Variants in CCDC66 observed in about 807,000 individuals in gnomAD.
CCDC66 encodes coiled-coil domain-containing protein 66.
A neutral mutation model predicts 128.3 loss-of-function variants in CCDC66; 133 were observed. The observed-to-expected ratio is 1.04, with a 90% CI of 0.90 to 1.20. CCDC66 has a LOEUF of 1.20. Among genes scored for constraint, CCDC66 ranks in the 50% most tolerant of loss-of-function variants. CCDC66 has a pLI of 0.00. For synonymous variants in CCDC66, 387 were observed against 357.0 expected (o/e 1.08, Z -0.95); for missense variants, 1,126 against 1,075.5 (o/e 1.05, Z -0.66).
At chr3:56,565,441 C>CTTTTTT (rs71621823) in intron 4 of CCDC66, among the ~76,000 whole-genome samples, 1 of 136,690 alleles carries the variant, frequency 7.3e-6, no homozygotes, top group Non-Finnish European at 1.6e-5. Context: ...ACCCGGCTAA[C>CTTTTTT]TTTTTTTTTT....
At chr3:56,602,229 T>C (rs1303676365) in intron 10 of CCDC66, among the ~76,000 whole-genome samples, 1 of 152,088 alleles carries the variant, frequency 6.6e-6, no homozygotes, top group Non-Finnish European at 1.5e-5. Flanking sequence ...GAGATAATCA[T>C]GTGGTTTTTG....
intron 8 of CCDC66, 49 bp from the exon 9 acceptor site, chr3:56,593,442 A>G (rs931640600): frequency 8.8e-6 from 14 of 1,585,386 alleles, no homozygotes; most frequent in South Asian, 1.1e-5. Context: ...AGAATTATAT[A>G]TGAGAATAAT....
intron 11 of CCDC66, among the ~76,000 whole-genome samples, chr3:56,614,139 G>A (rs2075205019): frequency 1.3e-5 from 2 of 152,192 alleles, no homozygotes; most frequent in Admixed American, 6.5e-5. Flanking sequence ...ATTTTGAATT[G>A]TGAAGCTATG....
chr3:56,570,474 A>G (rs9881152), intron 6 of CCDC66: 126,218 of 152,336 alleles, frequency 0.83, 52,866 homozygotes, highest in Non-Finnish European at 0.91. Flanking sequence ...CAGTTGGCCA[A>G]CTGCGGTGGG....
chr3:56,569,785 T>C (rs2066384391), intron 6 of CCDC66: 1 of 152,240 alleles, frequency 6.6e-6, no homozygotes, highest in Admixed American at 6.5e-5. Context: ...TCTGAAATAA[T>C]ATGGAACTAC....
rs768450205 is a variant in CCDC66, at chr3:56,593,562, G to A, written c.1140G>A (p.Leu380=). The change falls in exon 9 of 18, where the codon CTG becomes CTA. Residue 380 remains leucine, a synonymous_variant. Coordinates refer to ENST00000394672, the MANE Select transcript of CCDC66 (RefSeq NM_001141947.3). ...GTTATCCTGGTTCTCAATCTCAGCT[G>A]TTCTCTCAGTCAACACACAAACAAC... ...LKSYPGSQSQ[L]FSQSTHKQPE... is the part of the protein sequence containing the mutation. 6.8e-6 allele frequency: 11 copies of A among 1,613,974 alleles called. 1 individual carries two copies. The South Asian group carries it at 1.2e-4, about 18-fold the overall frequency.
At chr3:56,566,791 G>T in intron 5 of CCDC66, 32 bp downstream of exon 5, 5 of 1,586,434 alleles carry the variant, frequency 3.2e-6, no homozygotes, top group Non-Finnish European at 4.3e-6. Flanking sequence ...TTATTGTGTG[G>T]TCATCTTCAG....
intron 7 of CCDC66, among the ~76,000 whole-genome samples, chr3:56,592,228 C>T (rs2071035564): frequency 5.9e-5 from 9 of 152,218 alleles, no homozygotes; most frequent in Admixed American, 5.9e-4. Flanking sequence ...TGCTCTCACA[C>T]ATCTTTCTAT....
At chr3:56,589,246 A>G (rs1032024403) in intron 7 of CCDC66, among the ~76,000 whole-genome samples, 21 of 152,112 alleles carry the variant, frequency 1.4e-4, no homozygotes, top group Non-Finnish European at 2.6e-4. Flanking sequence ...AAATTGACAC[A>G]AGAAGCAGTA....
chr3:56,621,447 C>A, intron 17 of CCDC66, 85 bp from the exon 18 acceptor site: 1 of 933,718 alleles, frequency 1.1e-6, no homozygotes, highest in Non-Finnish European at 1.6e-6. Context: ...ATATGTTTTC[C>A]AAGTGAATAT....
intron 8 of CCDC66, 86 bp from the exon 9 acceptor site, chr3:56,593,405 T>G: frequency 6.8e-7 from 1 of 1,476,744 alleles, no homozygotes; most frequent in Non-Finnish European, 9.2e-7. Flanking sequence ...TAAGGTGACT[T>G]TTAGAAATCA....
chr3:56,594,694 A>AC (rs2071560184), intron 10 of CCDC66, among the ~76,000 whole-genome samples: 1 of 152,068 alleles, frequency 6.6e-6, no homozygotes, highest in South Asian at 2.1e-4. Flanking sequence ...AAAAAAAAAA[A>AC]GAAATCTAAT....
At chr3:56,601,667 TCTC>T in intron 10 of CCDC66, among the ~76,000 whole-genome samples, 1 of 152,164 alleles carries the variant, frequency 6.6e-6, no homozygotes, top group East Asian at 1.9e-4. Flanking sequence ...GGTTTGTAGT[TCTC>T]CTTAAAGAGG....
chr3:56,592,903 T>C, intron 7 of CCDC66, 67 bp from the exon 8 acceptor site: 1 of 1,542,454 alleles, frequency 6.5e-7, no homozygotes, highest in Non-Finnish European at 8.8e-7. Context: ...TTTGGCAAGA[T>C]TTGCACATAT....
chr3:56,573,415 C>A (rs1395470225), intron 7 of CCDC66, among the ~76,000 whole-genome samples: 2 of 152,170 alleles, frequency 1.3e-5, no homozygotes, highest in South Asian at 2.1e-4. Context: ...CCAGAAACTT[C>A]AAGGTGTTGG....
At chr3:56,592,771 T>C (rs2071154010) in intron 7 of CCDC66, among the ~76,000 whole-genome samples, 199 bp from the exon 8 acceptor site, 1 of 152,186 alleles carries the variant, frequency 6.6e-6, no homozygotes, top group Non-Finnish European at 1.5e-5. Flanking sequence ...TCTGATCTAG[T>C]ATATTTAAAA....
chr3:56,559,642 G>A (rs1173682093), intron 3 of CCDC66, 48 bp downstream of exon 3: 1 of 1,426,952 alleles, frequency 7.0e-7, no homozygotes. Context: ...GTAAAATGCA[G>A]TTTTATTTAT....
chr3:56,606,731 T>C (rs2107232640), intron 10 of CCDC66, among the ~76,000 whole-genome samples: 1 of 152,118 alleles, frequency 6.6e-6, no homozygotes, highest in African/African-American at 2.4e-5. Flanking sequence ...TATTCGGCCA[T>C]CTTGCCAACA....
chr3:56,593,999 A>G lies in CCDC66; in HGVS notation c.1375A>G (p.Arg459Gly). The G allele has an allele frequency of 3.1e-6, 5 of 1,614,176 alleles. No homozygotes were observed. Among genetic ancestry groups the G allele is most frequent in the Non-Finnish European group, 3.4e-6 (4 of 1,179,992 alleles). Residue 459 changes from arginine (R) to glycine (G), a missense_variant, in exon 10 of 18, where the codon AGA (arginine) becomes GGA (glycine). Arg to Gly is a moderately radical substitution (Grantham distance 125, BLOSUM62 -2). Transcript: ENST00000394672. ...CCCAGCTCAGATTGAGGAACGAGACAGACGACGACAAAAACAATTAGAGCA... is the reference window on the plus strand; with the variant it reads ...CCCAGCTCAGATTGAGGAACGAGACGGACGACGACAAAAACAATTAGAGCA... ...LDPAQIEERD[R>G]RRQKQLEHQK...
Sources: allele counts gnomAD v4.1 joint callset (sites outside exome capture counted in the v4.1 genomes callset), GRCh38; gene constraint gnomAD v4.1.1; transcripts MANE v1.5; gene names NCBI Gene and HGNC (gene_info 2026-07-23, HGNC 2026-07-21).